The following ZNF18 variants were observed in gnomAD, a reference collection of about 807,000 sequenced individuals.
The protein encoded by ZNF18 is heart development-specific gene 1 protein.
A neutral mutation model predicts 58.1 loss-of-function variants in ZNF18; 42 were observed. The ratio of observed to expected loss-of-function variants is 0.72; its 90% CI spans 0.56 to 0.93. The LOEUF (loss-of-function observed/expected upper bound fraction) is 0.93. Among genes scored for constraint, ZNF18 ranks in the 40% least tolerant of loss-of-function variants. The pLI is 0.00. For missense variants in ZNF18, 540 were observed against 644.2 expected (o/e 0.84, Z 1.75); for synonymous variants, 231 against 239.8 (o/e 0.96, Z 0.34).
the ZNF18 span, among the ~76,000 whole-genome samples, chr17:12,005,612 C>T: frequency 6.6e-6 from 1 of 152,162 alleles, no homozygotes; most frequent in South Asian, 2.1e-4. Flanking sequence ...TTTTGACAAC[C>T]ATTATAACTA....
Position 11,984,198 on chromosome 17 carries a change from CTGG to C in ZNF18, c.667-4_667-2del. On this transcript the variant is annotated splice_acceptor_variant and splice_polypyrimidine_tract_variant and intron_variant, in intron 4 of 6. Coordinates refer to ENST00000580306, the MANE Select transcript of ZNF18 (RefSeq NM_001303281.2). LOFTEE classifies it high-confidence loss of function. ...TGGAATCCAGTTGTCTCCACTGTTC[CTGG>C]AAAAAAAAAAAAAAAAGCAATACAA... 6.3e-7 allele frequency: 1 copy of C among 1,575,444 alleles called. No homozygotes were observed. The highest frequency in any genetic ancestry group is 1.9e-5 in the Admixed American group (1 of 53,608).
chr17:11,991,225 A>C (rs1244560703), intron 2 of ZNF18, 62 bp from the exon 3 acceptor site: 1 of 1,414,148 alleles, frequency 7.1e-7, no homozygotes, highest in Non-Finnish European at 9.8e-7. Flanking sequence ...TCTAAAAGAC[A>C]CAAAGCTTAC....
the ZNF18 span, among the ~76,000 whole-genome samples, chr17:12,009,634 G>A: frequency 6.6e-6 from 1 of 151,674 alleles, no homozygotes; most frequent in African/African-American, 2.4e-5. Context: ...TGTATTCTTG[G>A]TAGAGACAAG....
chr17:12,000,890 CGAGAA>C, upstream of ZNF18, among the ~76,000 whole-genome samples: 2 of 152,076 alleles, frequency 1.3e-5, no homozygotes, highest in South Asian at 2.1e-4. Flanking sequence ...CAATAAGGAA[CGAGAA>C]GAGAAGAATT....
At chr17:12,017,193 T>A in the ZNF18 span, among the ~76,000 whole-genome samples, 1 of 151,168 alleles carries the variant, frequency 6.6e-6, no homozygotes, top group Admixed American at 6.6e-5. Flanking sequence ...CAAGACTCTG[T>A]CTCAAAAAAA....
chr17:11,992,136 G>A (rs190622575), intron 2 of ZNF18, among the ~76,000 whole-genome samples: 5 of 152,302 alleles, frequency 3.3e-5, no homozygotes, highest in Admixed American at 3.3e-4. Context: ...TATCAAACTT[G>A]AAGAGAAGAC....
At chr17:12,014,214 T>A in the ZNF18 span, among the ~76,000 whole-genome samples, 1 of 152,200 alleles carries the variant, frequency 6.6e-6, no homozygotes, top group Non-Finnish European at 1.5e-5. Context: ...GCAGCAACTT[T>A]AAAAAGTCTA....
chr17:12,016,835 TATAA>T, the ZNF18 span, among the ~76,000 whole-genome samples: 2 of 152,228 alleles, frequency 1.3e-5, no homozygotes, highest in Non-Finnish European at 2.9e-5. Flanking sequence ...CTTTTACTCT[TATAA>T]ATAATGTTGT....
chr17:12,000,839 A>G (rs966840911), upstream of ZNF18, among the ~76,000 whole-genome samples: 2 of 152,234 alleles, frequency 1.3e-5, no homozygotes, highest in African/African-American at 4.8e-5. Flanking sequence ...TTGACCTTAT[A>G]AGAGTGGTTG....
At chr17:12,016,628 T>C in the ZNF18 span, among the ~76,000 whole-genome samples, 1 of 151,092 alleles carries the variant, frequency 6.6e-6, no homozygotes, top group South Asian at 2.1e-4. Context: ...CTGTGCCCAG[T>C]CCTTTTTTTT....
intron 1 of ZNF18, chr17:11,993,656 T>TAA (rs992849184): frequency 2.0e-5 from 3 of 149,132 alleles, no homozygotes; most frequent in Non-Finnish European, 3.0e-5. Flanking sequence ...CCGTCTCTAC[T>TAA]AAAAAAAAAT....
chr17:11,994,258 T>C (rs571982097), intron 1 of ZNF18, among the ~76,000 whole-genome samples: 2 of 152,320 alleles, frequency 1.3e-5, no homozygotes, highest in Non-Finnish European at 2.9e-5. Context: ...TTCACCAAAA[T>C]AATTTATCCG....
the ZNF18 span, among the ~76,000 whole-genome samples, chr17:12,013,675 C>T: frequency 6.6e-6 from 1 of 152,150 alleles, no homozygotes; most frequent in African/African-American, 2.4e-5. Context: ...TGCTCATTAA[C>T]ATTTTTTTGT....
At position 11,992,070 on chromosome 17, in the gene ZNF18, A is replaced by C. The variant is rs540748610; in HGVS notation, c.387+373T>G. Among the ~76,000 whole-genome samples the C allele has an allele frequency of 3.3e-5, 5 of 152,326 alleles. No individual in the cohort carries two copies. The East Asian group carries it at 9.6e-4, about 29-fold the overall frequency. On this transcript the variant is annotated intron_variant, in intron 2 of 6. Transcript: ENST00000580306. Reference sequence around the variant, plus strand: ...TTAATGAGTTGTATCCTTTAGAGTAAGTCAGTAACAGGAAGTAAAATCCTT... The same window carrying C: ...TTAATGAGTTGTATCCTTTAGAGTACGTCAGTAACAGGAAGTAAAATCCTT...
At position 11,977,959 on chromosome 17, in the gene ZNF18, A is replaced by G; in HGVS notation, c.1648T>C (p.Ter550GlnextTer34). ...GGGAAAGAGAGTTTGGTTACTGGCT[A>G]TTGAAAGGGCTTCTTTCCTAAGTGG... ...RSHLGKKPFQ[*>Q] Residue 550 changes from the stop codon to glutamine, a stop_lost, in exon 7 of 7, where the codon TAG becomes CAG. Transcript: ENST00000580306. 1 of 1,556,966 alleles carries G rather than the reference A, an allele frequency of 6.4e-7. No individual in the cohort carries two copies. Among genetic ancestry groups the G allele is most frequent in the Non-Finnish European group, 8.7e-7 (1 of 1,154,470 alleles).
At chr17:11,993,038 T>C (rs1012308954) in intron 1 of ZNF18, 127 bp from the exon 2 acceptor site, 16 of 562,444 alleles carry the variant, frequency 2.8e-5, no homozygotes, top group Non-Finnish European at 5.0e-5. Flanking sequence ...GCTCAATGGA[T>C]ACACGATTCT....
At chr17:11,983,256 G>A (rs1167160088) in intron 6 of ZNF18, 41 bp downstream of exon 6, 2 of 1,464,120 alleles carry the variant, frequency 1.4e-6, no homozygotes, top group Middle Eastern at 1.7e-4. Flanking sequence ...TTTAATGACA[G>A]GCAGTCAGAA....
chr17:11,991,454 C>A (rs1032373232), intron 2 of ZNF18, among the ~76,000 whole-genome samples: 5 of 152,208 alleles, frequency 3.3e-5, no homozygotes, highest in Non-Finnish European at 7.3e-5. Flanking sequence ...AATAACTTCT[C>A]AAACATTCTA....
the ZNF18 span, among the ~76,000 whole-genome samples, chr17:12,014,958 G>A: frequency 6.6e-6 from 1 of 152,042 alleles, no homozygotes; most frequent in African/African-American, 2.4e-5. Context: ...TGATGCAGGA[G>A]AACGGCGTGA....
Sources: allele counts gnomAD v4.1 joint callset (sites outside exome capture counted in the v4.1 genomes callset), GRCh38; gene constraint gnomAD v4.1.1; transcripts MANE v1.5; gene names NCBI Gene and HGNC (gene_info 2026-07-23, HGNC 2026-07-21).